CACNB2: variants seen among roughly 807,000 people sequenced by gnomAD.
CACNB2 encodes voltage-dependent L-type calcium channel subunit beta-2.
In CACNB2, 42 loss-of-function variants were observed where a neutral mutation model predicts 73.3. That is an observed-to-expected ratio of 0.57 (90% CI 0.45 to 0.74). The LOEUF is 0.74. Among genes scored for constraint, CACNB2 ranks in the 30% least tolerant of loss-of-function variants. The probability of loss-of-function intolerance (pLI) is 0.00; values close to 1 mark genes in which losing one functional copy is unlikely to be tolerated. For missense variants in CACNB2, 940 were observed against 853.0 expected (o/e 1.10, Z -1.27); for synonymous variants, 348 against 310.3 (o/e 1.12, Z -1.28).
intron 2 of CACNB2, among the ~76,000 whole-genome samples, chr10:18,306,582 G>A (rs1046672110): frequency 3.3e-5 from 5 of 152,168 alleles, no homozygotes; most frequent in Admixed American, 1.3e-4. Flanking sequence ...TAAGCATTAC[G>A]GTGGGGTCAG....
At chr10:18,439,399 T>C (rs11818244) in intron 3 of CACNB2, among the ~76,000 whole-genome samples, 7,493 of 152,200 alleles carry the variant, frequency 0.049, 453 homozygotes, top group African/African-American at 0.13. Flanking sequence ...ATTTGAGTCC[T>C]GGTTTTAGGT....
At chr10:18,376,126 A>C (rs1205768460) in intron 2 of CACNB2, among the ~76,000 whole-genome samples, 1 of 152,194 alleles carries the variant, frequency 6.6e-6, no homozygotes, top group East Asian at 1.9e-4. Flanking sequence ...GATAAAGAAA[A>C]TGTGGTACAT....
At chr10:18,183,303 T>C (rs1305005095) in intron 2 of CACNB2, among the ~76,000 whole-genome samples, 2 of 152,086 alleles carry the variant, frequency 1.3e-5, no homozygotes, top group Non-Finnish European at 2.9e-5. Flanking sequence ...ACATTTGTTT[T>C]CTGTCCTCTC....
chr10:18,310,380 C>T (rs1263945366), intron 2 of CACNB2, among the ~76,000 whole-genome samples: 1 of 151,010 alleles, frequency 6.6e-6, no homozygotes, highest in Non-Finnish European at 1.5e-5. Context: ...CTGAGGTGGG[C>T]GGGTCACCTG....
intron 2 of CACNB2, among the ~76,000 whole-genome samples, chr10:18,363,180 T>G (rs2042211696): frequency 6.6e-6 from 1 of 152,212 alleles, no homozygotes; most frequent in African/African-American, 2.4e-5. Flanking sequence ...AAATAAAGAT[T>G]TTGACATCCC....
chr10:18,537,081 G>A (rs926123375), intron 12 of CACNB2, among the ~76,000 whole-genome samples: 17 of 152,008 alleles, frequency 1.1e-4, no homozygotes, highest in Admixed American at 3.3e-4. Flanking sequence ...TCTGCCTCCC[G>A]GGCTCAAGTA....
chr10:18,369,178 G>C (rs2042474159), intron 2 of CACNB2, among the ~76,000 whole-genome samples: 1 of 152,126 alleles, frequency 6.6e-6, no homozygotes, highest in Non-Finnish European at 1.5e-5. Context: ...ATTCTTCTAA[G>C]TCTTACAGTA....
intron 10 of CACNB2, among the ~76,000 whole-genome samples, chr10:18,531,576 AG>A (rs1206393868): frequency 1.4e-4 from 22 of 152,158 alleles, no homozygotes; most frequent in Admixed American, 1.4e-3. Context: ...TATGTCTTTG[AG>A]GAATTACCAT....
At chr10:18,453,697 T>G (rs1007493431) in intron 3 of CACNB2, among the ~76,000 whole-genome samples, 4 of 152,246 alleles carry the variant, frequency 2.6e-5, no homozygotes, top group African/African-American at 9.6e-5. Flanking sequence ...TGGCGCGATC[T>G]CGGCTGGCTG....
chr10:18,163,066 G>A lies in CACNB2; in HGVS notation c.213+12091G>A, dbSNP rs114225146. On this transcript the variant is annotated intron_variant, in intron 2 of 13. Coordinates refer to ENST00000324631, the MANE Select transcript of CACNB2 (RefSeq NM_201596.3). ...CAGGATATATATGAAGCAGTGTGCCGGAGGGGATGAAAGGCTTACAGCATA... is the reference window on the plus strand; with the variant it reads ...CAGGATATATATGAAGCAGTGTGCCAGAGGGGATGAAAGGCTTACAGCATA... Among the ~76,000 whole-genome samples, 926 of 152,212 alleles carry A rather than the reference G, an allele frequency of 6.1e-3. 12 individuals are homozygous for A. Among genetic ancestry groups the A allele is most frequent in the African/African-American group, 0.02 (819 of 41,526 alleles).
rs550798340 is a variant in CACNB2 at position 18,161,135 on chromosome 10, G to A, written c.213+10160G>A. Among the ~76,000 whole-genome samples the A allele has an allele frequency of 7.2e-5, 11 of 152,284 alleles. No individual in the cohort carries two copies. In the East Asian group the frequency reaches 1.4e-3, roughly 19 times the overall value. On this transcript the variant is annotated intron_variant, in intron 2 of 13. Transcript: ENST00000324631. The stretch of plus-strand genomic sequence containing the variant: ...ATCCAAGAAGGATGGAAGAAGCTCT[G>A]TAGAGTCTTCCATTAATTCATATTT...
chr10:18,301,337 G>A (rs1318403029), intron 2 of CACNB2, among the ~76,000 whole-genome samples: 1 of 152,146 alleles, frequency 6.6e-6, no homozygotes, highest in Non-Finnish European at 1.5e-5. Flanking sequence ...AAGCTCCACA[G>A]TAATCCCAGC....
chr10:18,203,287 G>A (rs144430343), intron 2 of CACNB2, among the ~76,000 whole-genome samples: 9 of 152,306 alleles, frequency 5.9e-5, no homozygotes, highest in Admixed American at 1.3e-4. Context: ...TGTGGTTGCA[G>A]CATGGCAACT....
chr10:18,379,885 C>T (rs2042943773), intron 2 of CACNB2, among the ~76,000 whole-genome samples: 1 of 152,152 alleles, frequency 6.6e-6, no homozygotes. Context: ...CGGAATTTCA[C>T]CATGTTACAC....
intron 2 of CACNB2, among the ~76,000 whole-genome samples, chr10:18,305,196 C>T (rs1383010584): frequency 1.3e-5 from 2 of 152,144 alleles, no homozygotes; most frequent in Non-Finnish European, 2.9e-5. Context: ...ATGTCGTCTA[C>T]TTCATGGACA....
chr10:18,327,720 C>T (rs866837109), intron 2 of CACNB2, among the ~76,000 whole-genome samples: 6 of 152,180 alleles, frequency 3.9e-5, no homozygotes, highest in South Asian at 2.1e-4. Context: ...TGAGCCTCCA[C>T]GCCCAGCCCC....
chr10:18,418,423 A>G (rs1325990), intron 3 of CACNB2, among the ~76,000 whole-genome samples: 87,029 of 152,188 alleles, frequency 0.57, 25,633 homozygotes, highest in East Asian at 0.79. Flanking sequence ...TGATATTTGC[A>G]GGATTAACAC....
intron 3 of CACNB2, among the ~76,000 whole-genome samples, chr10:18,408,088 G>A (rs182415577): frequency 1.4e-4 from 21 of 152,132 alleles, no homozygotes; most frequent in African/African-American, 5.1e-4. Flanking sequence ...TATTGTAGAG[G>A]GTTAAAACTG....
chr10:18,510,609 T>G (rs11813735), intron 6 of CACNB2, among the ~76,000 whole-genome samples: 105 of 152,350 alleles, frequency 6.9e-4, no homozygotes, highest in African/African-American at 2.5e-3. Context: ...AGCCTCACTC[T>G]TATTTTAAAA....
Sources: gnomAD v4.1 joint callset for allele counts (sites outside exome capture counted in the v4.1 genomes callset) on GRCh38, gnomAD v4.1.1 for gene constraint, MANE v1.5 for transcripts, NCBI Gene and HGNC (gene_info 2026-07-23, HGNC 2026-07-21) for gene names.